NPTN: variants seen among roughly 807,000 people sequenced by gnomAD.
NPTN encodes the protein neuroplastin.
NPTN carries 5 observed loss-of-function variants against 42.7 expected under a neutral mutation model. The observed-to-expected ratio is 0.12, with a 90% confidence interval of 0.06 to 0.25. The LOEUF is 0.25. NPTN is among the 10% of genes least tolerant of loss of function. NPTN has a pLI of 1.00. For synonymous variants in NPTN, 180 were observed against 201.9 expected (o/e 0.89, Z 0.92); for missense variants, 307 against 525.4 (o/e 0.58, Z 4.06).
At chr15:73,577,695 T>C (rs146321303) in intron 4 of NPTN, among the ~76,000 whole-genome samples, 3 of 152,274 alleles carry the variant, frequency 2.0e-5, no homozygotes, top group Non-Finnish European at 4.4e-5. Context: ...GCTCCTAAGA[T>C]CAGTGCTTGA....
chr15:73,565,781 T>C (rs1030204579), intron 6 of NPTN: 2 of 456,338 alleles, frequency 4.4e-6, no homozygotes, highest in Non-Finnish European at 8.8e-6. Context: ...GGTGGAACTG[T>C]AGCACACACT....
intron 6 of NPTN, chr15:73,565,822 G>C: frequency 2.2e-6 from 1 of 456,082 alleles, no homozygotes; most frequent in Non-Finnish European, 4.4e-6. Context: ...CTTCCCAACC[G>C]AATGGACCAC....
chr15:73,621,293 A>C, intron 1 of NPTN, among the ~76,000 whole-genome samples: 1 of 152,218 alleles, frequency 6.6e-6, no homozygotes, highest in East Asian at 1.9e-4. Flanking sequence ...GCCTATTAAC[A>C]ACCATCTAAA....
intron 1 of NPTN, among the ~76,000 whole-genome samples, chr15:73,618,417 T>C (rs1189932229): frequency 6.6e-6 from 1 of 152,180 alleles, no homozygotes; most frequent in Admixed American, 6.5e-5. Context: ...ACACTTAGAA[T>C]ATGGAACCAC....
At chr15:73,567,881 A>G in intron 6 of NPTN, 2 of 985,434 alleles carry the variant, frequency 2.0e-6, no homozygotes, top group Non-Finnish European at 2.4e-6. Flanking sequence ...CAACGAAGTA[A>G]ACGCTGCTTT....
At chr15:73,605,111 GAAAA>G (rs1897241081) in intron 1 of NPTN, among the ~76,000 whole-genome samples, 10 of 140,494 alleles carry the variant, frequency 7.1e-5, no homozygotes, top group African/African-American at 2.3e-4. Context: ...GGGGGGGGGG[GAAAA>G]GAATGATCTA....
At chr15:73,598,868 T>A (rs920760772) in intron 1 of NPTN, among the ~76,000 whole-genome samples, 2 of 152,218 alleles carry the variant, frequency 1.3e-5, no homozygotes, top group African/African-American at 4.8e-5. Flanking sequence ...AATTCCTGTT[T>A]ACATCCATAG....
At chr15:73,622,947 T>C (rs1266417526) in intron 1 of NPTN, among the ~76,000 whole-genome samples, 1 of 152,232 alleles carries the variant, frequency 6.6e-6, no homozygotes, top group Non-Finnish European at 1.5e-5. Context: ...CTCCCACCTC[T>C]ACCAAGGTAT....
intron 7 of NPTN, among the ~76,000 whole-genome samples, chr15:73,562,977 T>C (rs1386965042): frequency 6.6e-6 from 1 of 151,124 alleles, no homozygotes; most frequent in Non-Finnish European, 1.5e-5. Flanking sequence ...GTATATCAAA[T>C]ACACAAAATT....
intron 1 of NPTN, among the ~76,000 whole-genome samples, chr15:73,621,032 T>C (rs1898115830): frequency 6.6e-6 from 1 of 152,210 alleles, no homozygotes; most frequent in South Asian, 2.1e-4. Context: ...GGTCAAAACA[T>C]CTATGAATTT....
intron 6 of NPTN, chr15:73,568,142 G>C: frequency 1.0e-6 from 1 of 983,770 alleles, no homozygotes; most frequent in Non-Finnish European, 1.2e-6. Context: ...GCAGGTGTCT[G>C]CACTTATCCA....
intron 1 of NPTN, among the ~76,000 whole-genome samples, chr15:73,626,685 A>T (rs995663769): frequency 6.6e-6 from 1 of 152,190 alleles, no homozygotes; most frequent in African/African-American, 2.4e-5. Flanking sequence ...TTCTATCAGG[A>T]AAGGATGTGA....
At position 73,597,709 on chromosome 15, in the gene NPTN, CTCTT is replaced by C. The variant is rs1053450522; in HGVS notation, c.92-344_92-341del. On this transcript the variant is annotated intron_variant, in intron 1 of 8. Transcript: ENST00000345330. The surrounding 1 kb of genome is among the most constrained non-coding windows in gnomAD (Gnocchi z 6.3). ...GAAAGCCTCAGGTCTTGGGAAGAGC[CTCTT>C]TCCTTAGAACACAAACCATTTATTA... Among the ~76,000 whole-genome samples, 20 of 152,304 alleles carry C rather than the reference CTCTT, an allele frequency of 1.3e-4. No homozygotes were observed. Among genetic ancestry groups the C allele is most frequent in the African/African-American group, 4.8e-4 (20 of 41,566 alleles).
At chr15:73,574,851 G>A (rs1206990042) in intron 4 of NPTN, among the ~76,000 whole-genome samples, 1 of 152,196 alleles carries the variant, frequency 6.6e-6, no homozygotes. Context: ...GGATCACTTA[G>A]GAAGAAATAA....
At chr15:73,572,890 C>T (rs905050614) in intron 5 of NPTN, among the ~76,000 whole-genome samples, 1 of 152,022 alleles carries the variant, frequency 6.6e-6, no homozygotes, top group African/African-American at 2.4e-5. Context: ...TGGGAGGTGA[C>T]AGGATCATGG....
At chr15:73,614,620 G>A (rs1287477124) in intron 1 of NPTN, among the ~76,000 whole-genome samples, 4 of 152,146 alleles carry the variant, frequency 2.6e-5, no homozygotes, top group Non-Finnish European at 4.4e-5. Flanking sequence ...TTTCCCCACA[G>A]TGCCTTGCTG....
chr15:73,586,270 G>A (rs1896315127), intron 4 of NPTN, among the ~76,000 whole-genome samples: 1 of 152,152 alleles, frequency 6.6e-6, no homozygotes, highest in South Asian at 2.1e-4. Context: ...AGCCCTCACT[G>A]GCTTAGAGAA....
At chr15:73,566,448 A>T (rs1895010597) in intron 6 of NPTN, among the ~76,000 whole-genome samples, 1 of 152,240 alleles carries the variant, frequency 6.6e-6, no homozygotes, top group South Asian at 2.1e-4. Flanking sequence ...CCAAGGTAAA[A>T]ACAGAAAGTT....
chr15:73,597,432 A>G lies in NPTN; in HGVS notation c.92-63T>C. The G allele has an allele frequency of 8.4e-7, 1 of 1,185,702 alleles. No individual in the cohort carries two copies. Among genetic ancestry groups the G allele is most frequent in the Non-Finnish European group, 1.2e-6 (1 of 841,004 alleles). The allele number at this position is 1,185,702 out of a possible 1,614,324, so 73.4% of individuals were successfully genotyped here. A position where few individuals can be genotyped will look rare whatever the true frequency, so the allele number is the denominator to read the frequency against. ...ATCAGAAAAAAAAAAAAGAATCAAC[A>G]GGTGTTAATAGTAATTTAAAGAAAA... On this transcript the variant is annotated intron_variant, in intron 1 of 8. Transcript: ENST00000345330. The surrounding 1 kb of genome is among the most constrained non-coding windows in gnomAD (Gnocchi z 6.3).
Sources: gnomAD v4.1 joint callset for allele counts (sites outside exome capture counted in the v4.1 genomes callset) on GRCh38, gnomAD v4.1.1 for gene constraint, Gnocchi (gnomAD v3.1) non-coding constraint, MANE v1.5 for transcripts, NCBI Gene and HGNC (gene_info 2026-07-23, HGNC 2026-07-21) for gene names.